Variants in PXDNL observed in about 807,000 individuals in gnomAD.
The protein encoded by PXDNL is probable oxidoreductase PXDNL.
PXDNL carries 145 observed loss-of-function variants against 150.8 expected under a neutral mutation model. The ratio of observed to expected loss-of-function variants is 0.96; its 90% CI spans 0.84 to 1.10. The LOEUF is 1.10. Among genes scored for constraint, PXDNL ranks in the 50% least tolerant of loss-of-function variants. The pLI, the probability that PXDNL is intolerant of heterozygous loss-of-function variation, is 0.00. For missense variants in PXDNL, 2,087 were observed against 1,873.9 expected (o/e 1.11, Z -2.10); for synonymous variants, 757 against 725.7 (o/e 1.04, Z -0.69).
At chr8:51,402,819 T>G (rs1029146335) in intron 17 of PXDNL, among the ~76,000 whole-genome samples, 2 of 151,622 alleles carry the variant, frequency 1.3e-5, no homozygotes, top group African/African-American at 4.9e-5. Context: ...TCCCAGCACT[T>G]TGGGAGGCTG....
At chr8:51,779,020 A>T (rs1019236767) in intron 1 of PXDNL, among the ~76,000 whole-genome samples, 3 of 152,232 alleles carry the variant, frequency 2.0e-5, no homozygotes, top group Non-Finnish European at 2.9e-5. Context: ...TATCACCCTG[A>T]CCTGGCTCTC....
intron 17 of PXDNL, among the ~76,000 whole-genome samples, chr8:51,403,696 T>C (rs572010100): frequency 6.6e-6 from 1 of 152,162 alleles, no homozygotes; most frequent in East Asian, 1.9e-4. Flanking sequence ...TGCTTTAGGA[T>C]TGGGTTTCCG....
intron 3 of PXDNL, among the ~76,000 whole-genome samples, chr8:51,582,898 G>C (rs1310137944): frequency 7.2e-6 from 1 of 138,442 alleles, no homozygotes; most frequent in Non-Finnish European, 1.6e-5. Flanking sequence ...AAAAATCCTG[G>C]TAAACGATGG....
chr8:51,377,808 G>A lies in PXDNL; in HGVS notation c.3558-3077C>T, dbSNP rs189611369. ...CATGCCTGAGCCTCCCCCACACCGCGGGCTCCTGCGCAGCCCCAGCCTCCC... is the reference window on the plus strand; with the variant it reads ...CATGCCTGAGCCTCCCCCACACCGCAGGCTCCTGCGCAGCCCCAGCCTCCC... On this transcript the variant is annotated intron_variant, in intron 17 of 22. Transcript: ENST00000356297. Among the ~76,000 whole-genome samples the A allele has an allele frequency of 3.9e-3, 591 of 152,302 alleles. 4 individuals are homozygous for A. The highest frequency in any genetic ancestry group is 0.023 in the East Asian group (118 of 5,164).
intron 2 of PXDNL, among the ~76,000 whole-genome samples, chr8:51,646,423 CAAGT>C (rs1814920435): frequency 6.6e-6 from 1 of 152,130 alleles, no homozygotes; most frequent in Admixed American, 6.6e-5. Flanking sequence ...CCAGCTAATA[CAAGT>C]GATAACACAA....
At chr8:51,722,973 G>A (rs1816758188) in intron 1 of PXDNL, among the ~76,000 whole-genome samples, 1 of 151,990 alleles carries the variant, frequency 6.6e-6, no homozygotes, top group Non-Finnish European at 1.5e-5. Context: ...TATCACTAGG[G>A]TTGGCACTCA....
At chr8:51,690,727 T>A (rs1815976073) in intron 1 of PXDNL, among the ~76,000 whole-genome samples, 1 of 151,554 alleles carries the variant, frequency 6.6e-6, no homozygotes, top group South Asian at 2.1e-4. Context: ...TAGTTCTAGA[T>A]CCCTGAGGAA....
chr8:51,405,416 C>T (rs900392611), intron 17 of PXDNL, among the ~76,000 whole-genome samples: 1 of 152,158 alleles, frequency 6.6e-6, no homozygotes, highest in Admixed American at 6.5e-5. Context: ...CTCCTTTTGT[C>T]TTCCCTCCAC....
intron 3 of PXDNL, among the ~76,000 whole-genome samples, chr8:51,557,535 C>T (rs1014521439): frequency 4.6e-5 from 7 of 152,160 alleles, no homozygotes; most frequent in African/African-American, 1.7e-4. Context: ...CTTCTCCACA[C>T]TCTTTGTTAA....
At chr8:51,605,341 G>A (rs1813816891) in intron 2 of PXDNL, among the ~76,000 whole-genome samples, 1 of 151,996 alleles carries the variant, frequency 6.6e-6, no homozygotes, top group African/African-American at 2.4e-5. Context: ...ATTTTCCAAG[G>A]CTTCCTGGTC....
At chr8:51,696,766 T>TCCACACACAGGCCCACACACA (rs1563510188) in intron 1 of PXDNL, among the ~76,000 whole-genome samples, 5 of 2,078 alleles carry the variant, frequency 2.4e-3, no homozygotes, top group Non-Finnish European at 4.3e-3. Flanking sequence ...CACATAGGTC[T>TCCACACACAGGCCCACACACA]TCACAGGTCC....
chr8:51,642,914 C>A (rs1045137092), intron 2 of PXDNL, among the ~76,000 whole-genome samples: 5 of 152,200 alleles, frequency 3.3e-5, no homozygotes, highest in Non-Finnish European at 7.4e-5. Flanking sequence ...AAACAGAGAG[C>A]CAAATCATGA....
At chr8:51,651,914 G>A (rs1171238078) in intron 2 of PXDNL, among the ~76,000 whole-genome samples, 1 of 151,802 alleles carries the variant, frequency 6.6e-6, no homozygotes, top group Non-Finnish European at 1.5e-5. Context: ...ACAGATCCTT[G>A]ATCTTACCCT....
In PXDNL at chr8:51,453,602, G is replaced by A. The variant is rs1433841541; in HGVS notation, c.1166C>T (p.Thr389Ile). Residue 389 changes from threonine to isoleucine, a missense_variant, in exon 10 of 23, where the codon ACA (threonine) becomes ATA (isoleucine). Coordinates refer to ENST00000356297, the MANE Select transcript of PXDNL (RefSeq NM_144651.5). ...GGTAAATCGACCATGATCCCGTTGT[G>A]TGATGTTCTGTAAGTAAAGTCCACT... ...TSSGLYLQNI[T>I]QRDHGRFTCH... 1.9e-6 allele frequency: 3 copies of A among 1,614,026 alleles called. No individual in the cohort carries two copies. The highest frequency in any genetic ancestry group is 2.2e-5 in the South Asian group (2 of 91,086).
intron 2 of PXDNL, among the ~76,000 whole-genome samples, chr8:51,626,077 T>C (rs901879801): frequency 1.3e-5 from 2 of 152,214 alleles, no homozygotes; most frequent in African/African-American, 4.8e-5. Context: ...TTTATTGGTA[T>C]GCTAAAAATG....
chr8:51,517,999 A>G (rs905547419), intron 4 of PXDNL, among the ~76,000 whole-genome samples: 1 of 152,170 alleles, frequency 6.6e-6, no homozygotes, highest in African/African-American at 2.4e-5. Flanking sequence ...TCCTTAATTT[A>G]TCTTCATATA....
intron 10 of PXDNL, among the ~76,000 whole-genome samples, chr8:51,450,240 C>T (rs73678601): frequency 1.1e-4 from 16 of 152,312 alleles, no homozygotes; most frequent in East Asian, 3.9e-4. Context: ...TCACTGTCAT[C>T]GCCATCTTGC....
rs1439088728 is a variant in PXDNL, at chr8:51,608,078, C to A, written c.237-15380G>T. Reference sequence around the variant, plus strand: ...GAAAGCAAGCAAGCAAGCAAGCAAGCAAGCAAGCAAGCAAGCAAGCAAGCA... The same window carrying A: ...GAAAGCAAGCAAGCAAGCAAGCAAGAAAGCAAGCAAGCAAGCAAGCAAGCA... On this transcript the variant is annotated intron_variant, in intron 2 of 22. Transcript: ENST00000356297. 6.4e-3 allele frequency among the ~76,000 whole-genome samples: 916 copies of A among 143,526 alleles called. 12 individuals carry two copies. The highest frequency in any genetic ancestry group is 0.025 in the East Asian group (119 of 4,788). 94.2% of individuals were successfully genotyped at this position (143,526 alleles called of 152,430 possible). A position where few individuals can be genotyped will look rare whatever the true frequency, so the allele number is the denominator to read the frequency against.
intron 1 of PXDNL, 123 bp downstream of exon 1, chr8:51,809,058 G>T: frequency 1.0e-6 from 1 of 992,480 alleles, no homozygotes; most frequent in Non-Finnish European, 1.5e-6. Flanking sequence ...AAAGTGAAAA[G>T]CCTCTTCTAA....
Sources: gnomAD v4.1 joint callset for allele counts (sites outside exome capture counted in the v4.1 genomes callset) on GRCh38, gnomAD v4.1.1 for gene constraint, MANE v1.5 for transcripts, NCBI Gene and HGNC (gene_info 2026-07-23, HGNC 2026-07-21) for gene names.